ZNF419: variants seen among roughly 807,000 people sequenced by gnomAD.
The protein encoded by ZNF419 is zinc finger protein 419.
ZNF419 carries 8 observed loss-of-function variants against 14.9 expected under a neutral mutation model. The ratio of observed to expected loss-of-function variants is 0.54; its 90% CI spans 0.32 to 0.97. The LOEUF is 0.97. Ranked by LOEUF, ZNF419 falls within the 50% of genes least tolerant of loss-of-function variation. The probability of loss-of-function intolerance (pLI) is 0.04; values close to 1 mark genes in which losing one functional copy is unlikely to be tolerated. For missense variants in ZNF419, 595 were observed against 607.2 expected (o/e 0.98, Z 0.21); for synonymous variants, 211 against 205.3 (o/e 1.03, Z -0.24).
At chr19:57,491,429 T>G (rs1327288716) in intron 2 of ZNF419, 42 bp from the exon 3 acceptor site, 1 of 1,607,944 alleles carries the variant, frequency 6.2e-7, no homozygotes, top group East Asian at 2.2e-5. Flanking sequence ...AATTTCCCAG[T>G]AAGGAGGCTG....
chr19:57,488,290 G>A (rs141716672), intron 1 of ZNF419: 28,189 of 491,012 alleles, frequency 0.057, 1,120 homozygotes, highest in Non-Finnish European at 0.075. Flanking sequence ...GGCCGCGGAG[G>A]GCTGGAGACA....
At position 57,493,389 on chromosome 19, in the gene ZNF419, C is replaced by T; in HGVS notation, c.832C>T (p.Gln278Ter). The T allele has an allele frequency of 1.9e-6, 3 of 1,614,080 alleles. No individual in the cohort carries two copies. The highest frequency in any genetic ancestry group is 2.5e-6 in the Non-Finnish European group (3 of 1,180,022). ...CCGTAATGCTCACCTCATTGAACACCAGAGAGTTCACACTGGAGAAAAGCC... is the reference window on the plus strand; with the variant it reads ...CCGTAATGCTCACCTCATTGAACACTAGAGAGTTCACACTGGAGAAAAGCC... ...FSRNAHLIEH[Q>*]RVHTGEKPFT... Residue 278 changes from glutamine to a stop codon, truncating the protein, a stop_gained, in exon 5 of 5, where the codon CAG becomes TAG. Coordinates refer to ENST00000221735, the MANE Select transcript of ZNF419 (RefSeq NM_024691.4). LOFTEE classifies it low-confidence loss of function (END_TRUNC).
In ZNF419 at chr19:57,493,603, G is replaced by A; in HGVS notation, c.1046G>A (p.Gly349Glu). 6.2e-7 allele frequency: 1 copy of A among 1,614,122 alleles called. No homozygotes were observed. Among genetic ancestry groups the A allele is most frequent in the Non-Finnish European group, 8.5e-7 (1 of 1,179,970 alleles). Reference sequence around the variant, plus strand: ...AGACCTTATAAGTGCAGTGAATGTGGAAAATTCTATAGCCACAAGTCCAAC... The same window carrying A: ...AGACCTTATAAGTGCAGTGAATGTGAAAAATTCTATAGCCACAAGTCCAAC... ...GERPYKCSEC[G>E]KFYSHKSNLI... Residue 349 changes from glycine (G) to glutamate (E), a missense_variant, in exon 5 of 5, where the codon GGA (glycine) becomes GAA (glutamate). Coordinates refer to ENST00000221735, the MANE Select transcript of ZNF419 (RefSeq NM_024691.4).
At position 57,494,099 on chromosome 19, in the gene ZNF419, A is replaced by T. The variant is rs367559061; in HGVS notation, c.*9A>T. ...CTGGAGAAATGCAGTGATTGTGTGA[A>T]ATCCTTTAGCCAGCGTTTCAACCTC... On this transcript the variant is annotated 3_prime_UTR_variant, in exon 5 of 5. Transcript: ENST00000221735. 1 of 1,580,478 alleles carries T rather than the reference A, an allele frequency of 6.3e-7. No homozygotes were observed. Among genetic ancestry groups the T allele is most frequent in the African/African-American group, 1.4e-5 (1 of 73,362 alleles).
intron 4 of ZNF419, 185 bp downstream of exon 4, chr19:57,492,396 C>G (rs755983924): frequency 1.6e-5 from 13 of 807,226 alleles, no homozygotes; most frequent in Non-Finnish European, 2.7e-5. Context: ...CTCTGTCCTC[C>G]ATGTTTCACC....
At chr19:57,491,438 T>C (rs549801975) in intron 2 of ZNF419, 33 bp from the exon 3 acceptor site, 54 of 1,609,156 alleles carry the variant, frequency 3.4e-5, no homozygotes, top group Admixed American at 1.0e-4. Flanking sequence ...GTAAGGAGGC[T>C]GCAGATAAAC....
chr19:57,489,406 A>G (rs2089430918), intron 1 of ZNF419: 1 of 152,306 alleles, frequency 6.6e-6, no homozygotes. Context: ...TTTGATTAAA[A>G]TAAAGCACCT....
rs180764804 is a variant in ZNF419 at position 57,493,253 on chromosome 19, A to G, written c.696A>G (p.Glu232=). The stretch of plus-strand genomic sequence containing the variant: ...TACATGCTGGGAAAAAGACGTATGA[A>G]TGCAGTGAATGTGGGAAGTTATTTA... The part of the protein sequence containing the change: ...QRLHAGKKTY[E]CSECGKLFRD... Residue 232 remains glutamate (E), a synonymous_variant, in exon 5 of 5, where the codon GAA becomes GAG. Transcript: ENST00000221735. 6,295 of 1,614,252 alleles carry G rather than the reference A, an allele frequency of 3.9e-3. 18 individuals carry two copies. Among genetic ancestry groups the G allele is most frequent in the Non-Finnish European group, 4.5e-3 (5,307 of 1,180,042 alleles).
intron 1 of ZNF419, 53 bp downstream of exon 1, chr19:57,488,036 C>T (rs1694231165): frequency 1.9e-6 from 3 of 1,608,908 alleles, no homozygotes; most frequent in South Asian, 2.2e-5. Context: ...CTGTGAGGGC[C>T]GCCTGCTCAG....
At chr19:57,489,801 T>G in intron 1 of ZNF419, 1 of 208,436 alleles carries the variant, frequency 4.8e-6, no homozygotes, top group Non-Finnish European at 9.7e-6. Context: ...GAAACCCACA[T>G]TTTGAAAACC....
rs1346779010 is a variant in ZNF419 at position 57,493,676 on chromosome 19, C to T, written c.1119C>T (p.Cys373=). 6.2e-7 allele frequency: 1 copy of T among 1,613,946 alleles called. No individual in the cohort carries two copies. Among genetic ancestry groups the T allele is most frequent in the East Asian group, 2.2e-5 (1 of 44,878 alleles). ...ATACTGGAGAAAGGCCTTACAAGTG[C>T]AGCGACTGTGGGAAATTTTTTACCC... The part of the protein sequence containing the change: ...RVHTGERPYK[C]SDCGKFFTQC... Residue 373 remains cysteine (C), a synonymous_variant, in exon 5 of 5, where the codon TGC becomes TGT. Transcript: ENST00000221735.
intron 1 of ZNF419, chr19:57,489,154 G>C (rs917417144): frequency 2.0e-5 from 3 of 152,250 alleles, no homozygotes; most frequent in Non-Finnish European, 4.4e-5. Flanking sequence ...AGGGCTCTCA[G>C]CAGGATGGTC....
chr19:57,490,178 A>T lies in ZNF419; in HGVS notation c.65A>T (p.His22Leu), dbSNP rs777328900. 3 of 1,613,568 alleles carry T rather than the reference A, an allele frequency of 1.9e-6. No homozygotes were observed. The highest frequency in any genetic ancestry group is 2.5e-6 in the Non-Finnish European group (3 of 1,179,804). The change falls in exon 2 of 5, where the codon CAT (histidine) becomes CTT (leucine). Residue 22 changes from histidine (H) to leucine (L), a missense_variant. His to Leu is a moderately conservative substitution (Grantham distance 99). Transcript: ENST00000221735. ...VPVAADLLTD[H>L]EEGYVTFEDV... is the part of the protein sequence containing the mutation. Reference sequence around the variant, plus strand: ...GTGGCTGCAGACTTGCTTACAGACCATGAGGAGGTAAGTGGAGGATGTCTC... The same window carrying T: ...GTGGCTGCAGACTTGCTTACAGACCTTGAGGAGGTAAGTGGAGGATGTCTC...
rs373773514 is a variant in ZNF419 at position 57,493,009 on chromosome 19, A to C, written c.452A>C (p.Lys151Thr). ...EGRVPVLRSC[K>T]VHLSEKSLQS... ...AGGGTCCCAGTTTTGAGGAGTTGCA[A>C]AGTTCACCTATCAGAGAAGTCCTTG... Residue 151 changes from lysine to threonine, a missense_variant, in exon 5 of 5, where the codon AAA becomes ACA. Lys to Thr is a moderately conservative substitution (Grantham distance 78). Coordinates refer to ENST00000221735, the MANE Select transcript of ZNF419 (RefSeq NM_024691.4). 6.2e-6 allele frequency: 10 copies of C among 1,614,050 alleles called. No individual in the cohort carries two copies. In the African/African-American group the frequency reaches 8.0e-5, roughly 13 times the overall value.
chr19:57,491,230 CAAGAG>C (rs2089473686), intron 2 of ZNF419: 1 of 567,818 alleles, frequency 1.8e-6, no homozygotes, highest in South Asian at 2.2e-5. Context: ...AATTGTCTGG[CAAGAG>C]AAGAGTAGGA....
chr19:57,493,252 A>G lies in ZNF419; in HGVS notation c.695A>G (p.Glu232Gly). ...QRLHAGKKTYECSECGKLFRD... is the reference protein window; with the variant it reads ...QRLHAGKKTYGCSECGKLFRD... Reference sequence around the variant, plus strand: ...CTACATGCTGGGAAAAAGACGTATGAATGCAGTGAATGTGGGAAGTTATTT... The same window carrying G: ...CTACATGCTGGGAAAAAGACGTATGGATGCAGTGAATGTGGGAAGTTATTT... Residue 232 changes from glutamate (E) to glycine (G), a missense_variant, in exon 5 of 5, where the codon GAA (glutamate) becomes GGA (glycine). Glu to Gly is a moderately conservative substitution (Grantham distance 98). Transcript: ENST00000221735. 6.2e-7 allele frequency: 1 copy of G among 1,614,262 alleles called. No homozygotes were observed. Among genetic ancestry groups the G allele is most frequent in the Non-Finnish European group, 8.5e-7 (1 of 1,180,048 alleles).
rs1362387779 is a variant in ZNF419 at position 57,492,929 on chromosome 19, T to A, written c.372T>A (p.Ile124=). The A allele has an allele frequency of 6.2e-7, 1 of 1,614,180 alleles. No homozygotes were observed. The highest frequency in any genetic ancestry group is 2.2e-5 in the East Asian group (1 of 44,882). The change falls in exon 5 of 5, where the codon ATT becomes ATA. Residue 124 remains isoleucine, a synonymous_variant. Coordinates refer to ENST00000221735, the MANE Select transcript of ZNF419 (RefSeq NM_024691.4). The part of the protein sequence containing the change: ...IASVGLLSSN[I]QQHQKQHCGE... ...CTGTAGGACTGCTCAGTTCAAACAT[T>A]CAGCAACACCAGAAGCAGCACTGTG...
intron 3 of ZNF419, 193 bp downstream of exon 3, chr19:57,491,790 T>C: frequency 2.3e-6 from 2 of 856,042 alleles, no homozygotes; most frequent in Admixed American, 2.1e-5. Flanking sequence ...CCCACAGCTG[T>C]GCAGGAAAGG....
rs760056757 is a variant in ZNF419 at position 57,493,011 on chromosome 19, G to A, written c.454G>A (p.Val152Ile). The change falls in exon 5 of 5, where the codon GTT (valine) becomes ATT (isoleucine). Residue 152 changes from valine (V) to isoleucine (I), a missense_variant. By Grantham distance (29) the Val-to-Ile change is conservative. Transcript: ENST00000221735. ...GRVPVLRSCK[V>I]HLSEKSLQSR... ...GGTCCCAGTTTTGAGGAGTTGCAAA[G>A]TTCACCTATCAGAGAAGTCCTTGCA... 3 of 1,614,044 alleles carry A rather than the reference G, an allele frequency of 1.9e-6. No individual in the cohort carries two copies. The African/African-American group carries it at 4.0e-5, about 22-fold the overall frequency.
Sources: allele counts gnomAD v4.1 joint callset, GRCh38; gene constraint gnomAD v4.1.1; transcripts MANE v1.5; gene names NCBI Gene and HGNC (gene_info 2026-07-23, HGNC 2026-07-21).